ORC3: variants seen among roughly 807,000 people sequenced by gnomAD.
The protein encoded by ORC3 is homolog of latheo, Drosophila.
A neutral mutation model predicts 100.7 loss-of-function variants in ORC3; 78 were observed. The observed-to-expected ratio is 0.77, with a 90% confidence interval of 0.65 to 0.94. ORC3 has a LOEUF of 0.94. Ranked by LOEUF, ORC3 falls within the 40% of genes least tolerant of loss-of-function variation. The probability of loss-of-function intolerance (pLI) is 0.00; values close to 1 mark genes in which losing one functional copy is unlikely to be tolerated. For synonymous variants in ORC3, 295 were observed against 289.3 expected (o/e 1.02, Z -0.20); for missense variants, 789 against 823.9 (o/e 0.96, Z 0.52).
At chr6:87,659,086 C>T (rs1354705932) in intron 16 of ORC3, among the ~76,000 whole-genome samples, 13 of 114,084 alleles carry the variant, frequency 1.1e-4, no homozygotes, top group Admixed American at 1.0e-3. Context: ...TTTTTTGAGA[C>T]GGAGTCTCAC....
At chr6:87,613,159 A>C (rs767924622) in intron 8 of ORC3, among the ~76,000 whole-genome samples, 2 of 152,230 alleles carry the variant, frequency 1.3e-5, no homozygotes, top group Non-Finnish European at 2.9e-5. Flanking sequence ...TAATGGACTC[A>C]TAGTTCCACT....
At chr6:87,669,378 ATTTC>A (rs1439620397), downstream of ORC3, among the ~76,000 whole-genome samples, 1 of 152,224 alleles carries the variant, frequency 6.6e-6, no homozygotes, top group African/African-American at 2.4e-5. Context: ...AGGTGCCAGG[ATTTC>A]TTATTCAACA....
chr6:87,663,749 C>T (rs1210359587), intron 17 of ORC3, among the ~76,000 whole-genome samples: 3 of 152,196 alleles, frequency 2.0e-5, no homozygotes, highest in African/African-American at 7.2e-5. Context: ...AGACAGCTCA[C>T]AATTTTAGAA....
At chr6:87,671,892 A>G (rs1346838331), downstream of ORC3, among the ~76,000 whole-genome samples, 1 of 150,648 alleles carries the variant, frequency 6.6e-6, no homozygotes, top group African/African-American at 2.5e-5. Context: ...TGGAGACCAT[A>G]GCATCACCTT....
intron 9 of ORC3, among the ~76,000 whole-genome samples, chr6:87,617,185 G>A (rs1779217944): frequency 1.3e-5 from 2 of 151,976 alleles, no homozygotes; most frequent in African/African-American, 4.8e-5. Context: ...TATAAAAAAG[G>A]TTTTTAGTTT....
the ORC3 span, among the ~76,000 whole-genome samples, chr6:87,674,644 T>TATATATATATATATA: frequency 7.5e-6 from 1 of 133,452 alleles, no homozygotes; most frequent in Non-Finnish European, 1.6e-5. Context: ...ATATATATAT[T>TATATATATATATATA]TTTTTTTTTT....
downstream of ORC3, among the ~76,000 whole-genome samples, chr6:87,672,225 G>A (rs1447976114): frequency 6.6e-6 from 1 of 152,156 alleles, no homozygotes; most frequent in Non-Finnish European, 1.5e-5. Context: ...GAAAAAAAAG[G>A]AAGGGGTAAT....
the ORC3 span, chr6:87,676,066 T>C: frequency 4.5e-6 from 3 of 662,786 alleles, no homozygotes; most frequent in Non-Finnish European, 7.6e-6. Context: ...GTACTAATAG[T>C]GTATCAAATA....
chr6:87,598,850 C>T (rs1777666167), intron 2 of ORC3, among the ~76,000 whole-genome samples: 1 of 152,204 alleles, frequency 6.6e-6, no homozygotes, highest in South Asian at 2.1e-4. Flanking sequence ...AGATGCTCTG[C>T]ATTTTGCCCA....
chr6:87,661,074 G>A (rs1279588675), intron 16 of ORC3, among the ~76,000 whole-genome samples: 3 of 151,568 alleles, frequency 2.0e-5, no homozygotes, highest in Non-Finnish European at 2.9e-5. Context: ...AATGTGAGGC[G>A]ATAGTTTGAG....
At chr6:87,630,058 G>A (rs1382419983) in intron 11 of ORC3, among the ~76,000 whole-genome samples, 3 of 152,050 alleles carry the variant, frequency 2.0e-5, no homozygotes, top group African/African-American at 4.8e-5. Flanking sequence ...GAAATTTTAC[G>A]TTACAAATTC....
chr6:87,600,698 T>C (rs1041297665), intron 2 of ORC3, among the ~76,000 whole-genome samples: 1 of 152,210 alleles, frequency 6.6e-6, no homozygotes, highest in Non-Finnish European at 1.5e-5. Context: ...TATAAGGGCA[T>C]GTCAAATCAG....
intron 16 of ORC3, among the ~76,000 whole-genome samples, chr6:87,662,646 A>G (rs1582089345): frequency 6.6e-6 from 1 of 152,300 alleles, no homozygotes; most frequent in South Asian, 2.1e-4. Flanking sequence ...TATCTTAAAG[A>G]TTTCTAAGCA....
At chr6:87,622,065 A>G (rs1221817546) in intron 11 of ORC3, 52 bp downstream of exon 11, 1 of 1,150,464 alleles carries the variant, frequency 8.7e-7, no homozygotes, top group Admixed American at 1.8e-5. Flanking sequence ...TTCATAAAGA[A>G]GAATATGCAT....
chr6:87,617,637 G>A (rs114101828), intron 9 of ORC3, among the ~76,000 whole-genome samples: 3,474 of 152,180 alleles, frequency 0.023, 127 homozygotes, highest in African/African-American at 0.078. Flanking sequence ...GGGAGGGTGA[G>A]GTGGGAGAAT....
At chr6:87,675,270 T>C in the ORC3 span, 2 of 350,116 alleles carry the variant, frequency 5.7e-6, no homozygotes, top group Non-Finnish European at 1.1e-5. Flanking sequence ...ATTCTACAGT[T>C]TTATTTACAC....
At chr6:87,598,607 C>T (rs951188977) in intron 2 of ORC3, among the ~76,000 whole-genome samples, 1 of 150,184 alleles carries the variant, frequency 6.7e-6, no homozygotes, top group Non-Finnish European at 1.5e-5. Flanking sequence ...TACTAGTAAA[C>T]CTGATGTGTA....
At chr6:87,595,264 C>A (rs1777347841) in intron 2 of ORC3, 1 of 152,226 alleles carries the variant, frequency 6.6e-6, no homozygotes, top group Non-Finnish European at 1.5e-5. Flanking sequence ...AGCTCTATGG[C>A]TTTGGCCCTG....
At chr6:87,626,160 G>T (rs1203065053) in intron 11 of ORC3, among the ~76,000 whole-genome samples, 3 of 152,138 alleles carry the variant, frequency 2.0e-5, no homozygotes, top group Admixed American at 2.0e-4. Flanking sequence ...GATTGTCTTG[G>T]CAATGTGGGC....
Sources: gnomAD v4.1 joint callset for allele counts (sites outside exome capture counted in the v4.1 genomes callset) on GRCh38, gnomAD v4.1.1 for gene constraint, MANE v1.5 for transcripts, NCBI Gene and HGNC (gene_info 2026-07-23, HGNC 2026-07-21) for gene names.